Variants in FSTL5 observed in about 807,000 individuals in gnomAD.
FSTL5 encodes follistatin-related protein 5.
FSTL5 carries 62 observed loss-of-function variants against 89.1 expected under a neutral mutation model. The observed-to-expected ratio is 0.70, with a 90% CI of 0.57 to 0.86. The LOEUF is 0.86. Ranked by LOEUF, FSTL5 falls within the 40% of genes least tolerant of loss-of-function variation. FSTL5 has a pLI of 0.00. For synonymous variants in FSTL5, 383 were observed against 346.2 expected (o/e 1.11, Z -1.18); for missense variants, 1,057 against 1,001.6 (o/e 1.06, Z -0.75).
chr4:161,651,930 C>T (rs72689103), intron 7 of FSTL5, among the ~76,000 whole-genome samples: 25,555 of 152,112 alleles, frequency 0.17, 2,408 homozygotes, highest in East Asian at 0.32. Flanking sequence ...TAGTCCCACA[C>T]ATAATAGCAC....
intron 10 of FSTL5, among the ~76,000 whole-genome samples, chr4:161,515,082 T>A (rs1430716611): frequency 6.6e-6 from 1 of 152,172 alleles, no homozygotes; most frequent in African/African-American, 2.4e-5. Context: ...AAAAATTATA[T>A]ATATTGTTAT....
At chr4:161,749,598 C>T (rs1474554757) in intron 6 of FSTL5, among the ~76,000 whole-genome samples, 2 of 151,666 alleles carry the variant, frequency 1.3e-5, no homozygotes, top group Non-Finnish European at 2.9e-5. Context: ...GAGATCAAGA[C>T]CATCCTAGCT....
intron 8 of FSTL5, among the ~76,000 whole-genome samples, chr4:161,574,418 C>T (rs1397844938): frequency 5.3e-5 from 8 of 149,890 alleles, no homozygotes. Flanking sequence ...CATAGTTATA[C>T]ATGTGCCAGC....
At chr4:161,469,623 G>A (rs1733865710) in intron 13 of FSTL5, among the ~76,000 whole-genome samples, 2 of 146,174 alleles carry the variant, frequency 1.4e-5, no homozygotes, top group Admixed American at 7.1e-5. Context: ...GAAGTTCTTT[G>A]CCCACTTTAT....
chr4:162,127,247 C>T (rs1183546562), intron 1 of FSTL5, among the ~76,000 whole-genome samples: 1 of 152,170 alleles, frequency 6.6e-6, no homozygotes, highest in Non-Finnish European at 1.5e-5. Flanking sequence ...CTCGTACACC[C>T]CCACAAAGCT....
chr4:161,445,894 A>G (rs1732927423), intron 15 of FSTL5, among the ~76,000 whole-genome samples: 1 of 152,066 alleles, frequency 6.6e-6, no homozygotes, highest in Non-Finnish European at 1.5e-5. Context: ...AAAACATTGT[A>G]CTAGAAAAAG....
At chr4:162,015,266 AAC>A in intron 3 of FSTL5, among the ~76,000 whole-genome samples, 1 of 152,294 alleles carries the variant, frequency 6.6e-6, no homozygotes, top group East Asian at 1.9e-4. Flanking sequence ...GTGTAGCAGA[AAC>A]ACAGAACTCA....
At chr4:161,524,674 G>A (rs138342881) in intron 10 of FSTL5, among the ~76,000 whole-genome samples, 117 of 151,912 alleles carry the variant, frequency 7.7e-4, no homozygotes, top group African/African-American at 2.6e-3. Context: ...ATTAATATTC[G>A]CTGGCCTGGG....
chr4:162,096,172 T>C (rs1229110771), intron 2 of FSTL5, among the ~76,000 whole-genome samples: 1 of 151,916 alleles, frequency 6.6e-6, no homozygotes, highest in Non-Finnish European at 1.5e-5. Context: ...GAAAAAAATT[T>C]TTGAATCATC....
chr4:161,445,801 T>A (rs752298605), intron 15 of FSTL5, among the ~76,000 whole-genome samples: 22 of 151,984 alleles, frequency 1.4e-4, no homozygotes, highest in Non-Finnish European at 2.5e-4. Flanking sequence ...TGTGCTTCAG[T>A]TTTGTTTGAA....
chr4:161,833,678 G>T (rs1177370785), intron 4 of FSTL5, among the ~76,000 whole-genome samples: 1 of 151,958 alleles, frequency 6.6e-6, no homozygotes, highest in Non-Finnish European at 1.5e-5. Context: ...TTTAAAGTCT[G>T]TTTTATCAGA....
At chr4:161,451,771 A>G (rs569195666) in intron 15 of FSTL5, among the ~76,000 whole-genome samples, 3 of 152,308 alleles carry the variant, frequency 2.0e-5, no homozygotes, top group Admixed American at 1.3e-4. Context: ...AAATCCATAT[A>G]TAGGAAACAC....
intron 15 of FSTL5, among the ~76,000 whole-genome samples, chr4:161,437,565 C>CAAAAAAAAAAGAAAAAAAAAAAAAAAA (rs1732607542): frequency 1.5e-5 from 1 of 68,542 alleles, no homozygotes; most frequent in Non-Finnish European, 2.4e-5. Flanking sequence ...GACTCCGTCT[C>CAAAAAAAAAAGAAAAAAAAAAAAAAAA]AAAAAAAAAA....
At chr4:162,067,666 A>C (rs1337434690) in intron 2 of FSTL5, among the ~76,000 whole-genome samples, 1 of 152,014 alleles carries the variant, frequency 6.6e-6, no homozygotes, top group Non-Finnish European at 1.5e-5. Flanking sequence ...GACCTCTCTT[A>C]CCACTCCAAC....
At chr4:161,819,042 A>G (rs1327086726) in intron 4 of FSTL5, among the ~76,000 whole-genome samples, 13 of 152,144 alleles carry the variant, frequency 8.5e-5, no homozygotes, top group Non-Finnish European at 1.5e-5. Flanking sequence ...AATAAATAAA[A>G]TGATTAAAAG....
At chr4:161,409,741 T>C (rs28839513) in intron 15 of FSTL5, among the ~76,000 whole-genome samples, 16,205 of 152,048 alleles carry the variant, frequency 0.11, 859 homozygotes, top group Non-Finnish European at 0.12. Context: ...TAAACATGGA[T>C]TCAAAAGAAC....
intron 1 of FSTL5, among the ~76,000 whole-genome samples, chr4:162,124,672 CA>C (rs1271363026): frequency 6.6e-6 from 1 of 152,038 alleles, no homozygotes; most frequent in Non-Finnish European, 1.5e-5. Flanking sequence ...AAAACATACT[CA>C]AAAGCTTCTT....
chr4:161,628,810 C>CT (rs1735400630), intron 7 of FSTL5, among the ~76,000 whole-genome samples: 2 of 152,120 alleles, frequency 1.3e-5, no homozygotes, highest in African/African-American at 4.8e-5. Context: ...ATTCAGACTA[C>CT]TAATGGACAG....
intron 10 of FSTL5, among the ~76,000 whole-genome samples, chr4:161,520,702 G>A (rs568450954): frequency 6.6e-6 from 1 of 152,172 alleles, no homozygotes; most frequent in South Asian, 2.1e-4. Context: ...TTCTTGAAAA[G>A]GTTTGTGATA....
Sources: allele counts gnomAD v4.1 joint callset (sites outside exome capture counted in the v4.1 genomes callset), GRCh38; gene constraint gnomAD v4.1.1; transcripts MANE v1.5; gene names NCBI Gene and HGNC (gene_info 2026-07-23, HGNC 2026-07-21).